The following CAND1 variants were observed in gnomAD, a reference collection of about 807,000 sequenced individuals.
CAND1 encodes cullin-associated NEDD8-dissociated protein 1.
A neutral mutation model predicts 108.5 loss-of-function variants in CAND1; 7 were observed. The ratio of observed to expected loss-of-function variants is 0.06; its 90% CI spans 0.04 to 0.12. The LOEUF is 0.12. Among genes scored for constraint, CAND1 ranks in the 10% least tolerant of loss-of-function variants. CAND1 has a pLI of 1.00. For synonymous variants in CAND1, 534 were observed against 512.0 expected, an observed-to-expected ratio of 1.04 and a Z score of -0.58; for missense variants, 941 against 1,448.7, an observed-to-expected ratio of 0.65 and a Z score of 5.69.
chr12:67,271,440 T>G (rs2044519909), intron 1 of CAND1, among the ~76,000 whole-genome samples: 1 of 152,196 alleles, frequency 6.6e-6, no homozygotes, highest in Non-Finnish European at 1.5e-5. Context: ...AGGTAGCACT[T>G]TATAATAATA....
At chr12:67,298,693 C>G (rs1361540934) in intron 6 of CAND1, among the ~76,000 whole-genome samples, 1 of 152,152 alleles carries the variant, frequency 6.6e-6, no homozygotes, top group Non-Finnish European at 1.5e-5. Context: ...TCTGTCTATA[C>G]TGCCATACAT....
chr12:67,298,891 G>GGT (rs2044795362), intron 6 of CAND1, 59 bp from the exon 7 acceptor site: 1 of 982,764 alleles, frequency 1.0e-6, no homozygotes, highest in Non-Finnish European at 1.6e-6. Flanking sequence ...AAATGTGGCA[G>GGT]GTAATGAATC....
chr12:67,285,419 G>A (rs1205952077), intron 2 of CAND1, among the ~76,000 whole-genome samples: 2 of 152,110 alleles, frequency 1.3e-5, no homozygotes, highest in Non-Finnish European at 2.9e-5. Context: ...TAGACAAATT[G>A]ACTAAAGTAT....
At chr12:67,269,900 A>C in intron 1 of CAND1, 115 bp downstream of exon 1, 1 of 817,894 alleles carries the variant, frequency 1.2e-6, no homozygotes, top group African/African-American at 1.8e-5. Flanking sequence ...CTCTGCCCCG[A>C]AGTCTCCAGC....
In CAND1 at chr12:67,305,048, TTTTTC is replaced by T. The variant is rs1359916689; in HGVS notation, c.1436-52_1436-48del. 2 of 1,469,642 alleles carry T rather than the reference TTTTTC, an allele frequency of 1.4e-6. No homozygotes were observed. Among genetic ancestry groups the T allele is most frequent in the African/African-American group, 2.8e-5 (2 of 70,924 alleles). The allele number at this position is 1,469,642 out of a possible 1,614,324, so 91.0% of individuals were successfully genotyped here. A position where few individuals can be genotyped will look rare whatever the true frequency, so the allele number is the denominator to read the frequency against. On this transcript the variant is annotated intron_variant, in intron 9 of 14. Transcript: ENST00000545606. The surrounding 1 kb of genome is among the most constrained non-coding windows in gnomAD (Gnocchi z 4.4). ...CAGTACTATAGGGGTTGATTTTTAA[TTTTTC>T]TTTCTTAAAAGTCTGCACAGCAATG...
rs1346726226 is a variant in CAND1, at chr12:67,316,676, G to A, written c.*3846G>A. 1 of 152,152 alleles carries A rather than the reference G, an allele frequency of 6.6e-6. No homozygotes were observed. The highest frequency in any genetic ancestry group is 1.5e-5 in the Non-Finnish European group (1 of 68,034). 9.4% of individuals were successfully genotyped at this position (152,152 alleles called of 1,614,324 possible). On this transcript the variant is annotated 3_prime_UTR_variant, in exon 15 of 15. Coordinates refer to ENST00000545606, the MANE Select transcript of CAND1 (RefSeq NM_018448.5). ...CCTGTCCTCTTCATAACTTTCTAGT[G>A]GTGATTTTAGCAAGTTTAATTATTT...
At position 67,312,871 on chromosome 12, in the gene CAND1, A is replaced by G. The variant is rs769072235; in HGVS notation, c.*41A>G. The G allele has an allele frequency of 6.6e-6, 8 of 1,214,358 alleles. No homozygotes were observed. The highest frequency in any genetic ancestry group is 2.8e-5 in the South Asian group (2 of 70,576). 75.2% of individuals were successfully genotyped at this position (1,214,358 alleles called of 1,614,324 possible). ...GGGGACCATTACATATGACCATACA[A>G]TGCACTGAATTGACAGGTTAATCAT... On this transcript the variant is annotated 3_prime_UTR_variant, in exon 15 of 15. Coordinates refer to ENST00000545606, the MANE Select transcript of CAND1 (RefSeq NM_018448.5).
Position 67,269,385 on chromosome 12 carries a change from C to T in CAND1, c.-333C>T, listed in dbSNP as rs1323098294. The T allele has an allele frequency of 6.1e-6, 2 of 327,154 alleles. No individual in the cohort carries two copies. The highest frequency in any genetic ancestry group is 2.2e-5 in the African/African-American group (1 of 44,838). The allele number at this position is 327,154 out of a possible 1,614,324, so 20.3% of individuals were successfully genotyped here. ...TTTGCCCTAGGGAGCGAGTGCGGAG[C>T]GAGTGGGAGCGAGACGGCCCTGAGT... On this transcript the variant is annotated 5_prime_UTR_variant, in exon 1 of 15. Coordinates refer to ENST00000545606, the MANE Select transcript of CAND1 (RefSeq NM_018448.5).
rs2044785036 is a variant in CAND1, at chr12:67,297,846, G to T, written c.847G>T (p.Val283Leu). The change falls in exon 6 of 15, where the codon GTA becomes TTA. Residue 283 changes from valine (V) to leucine (L), a missense_variant. Coordinates refer to ENST00000545606, the MANE Select transcript of CAND1 (RefSeq NM_018448.5). ...CTGTATTCAAGCCTTTGAATCATTT[G>T]TAAGAAGGTAAGTTTTTAAGATCTC... Reference protein sequence around the residue: ...EYCIQAFESFVRRCPKEVYPH... With the variant: ...EYCIQAFESFLRRCPKEVYPH... 1 of 1,559,660 alleles carries T rather than the reference G, an allele frequency of 6.4e-7. No homozygotes were observed. Among genetic ancestry groups the T allele is most frequent in the Non-Finnish European group, 8.7e-7 (1 of 1,143,792 alleles).
At chr12:67,275,762 A>G (rs2044563515) in intron 1 of CAND1, among the ~76,000 whole-genome samples, 1 of 152,122 alleles carries the variant, frequency 6.6e-6, no homozygotes, top group South Asian at 2.1e-4. Context: ...CTATCGATCT[A>G]GTGCATACCT....
chr12:67,298,709 A>G (rs901473484), intron 6 of CAND1, among the ~76,000 whole-genome samples: 1 of 152,168 alleles, frequency 6.6e-6, no homozygotes, highest in African/African-American at 2.4e-5. Flanking sequence ...TACATTAACC[A>G]TAACATAGTT....
chr12:67,287,046 A>G (rs1218797559), intron 2 of CAND1, among the ~76,000 whole-genome samples: 1 of 152,210 alleles, frequency 6.6e-6, no homozygotes, highest in African/African-American at 2.4e-5. Context: ...AGTTGCATTC[A>G]TTGTAACTCA....
Position 67,305,070 on chromosome 12 carries a change from A to C in CAND1, c.1436-34A>C. The C allele has an allele frequency of 6.4e-7, 1 of 1,570,122 alleles. No homozygotes were observed. The highest frequency in any genetic ancestry group is 8.7e-7 in the Non-Finnish European group (1 of 1,155,016). ...TAATTTTTCTTTCTTAAAAGTCTGC[A>C]CAGCAATGATTGGATTTTTTGTTGG... On this transcript the variant is annotated intron_variant, in intron 9 of 14. Transcript: ENST00000545606. This position sits in a 1 kb window ranked among gnomAD's most constrained non-coding sequence, Gnocchi z 4.4.
chr12:67,272,073 A>G (rs1306039611), intron 1 of CAND1, among the ~76,000 whole-genome samples: 3 of 152,246 alleles, frequency 2.0e-5, no homozygotes, highest in Non-Finnish European at 2.9e-5. Context: ...TGGCTTAAAT[A>G]CCAAGATTTG....
intron 2 of CAND1, among the ~76,000 whole-genome samples, chr12:67,290,949 G>A (rs1338856938): frequency 6.6e-6 from 1 of 152,174 alleles, no homozygotes; most frequent in Admixed American, 6.5e-5. Context: ...AGGCATCTAG[G>A]TTGCATGCTC....
intron 2 of CAND1, among the ~76,000 whole-genome samples, chr12:67,284,172 T>C (rs1475686969): frequency 6.6e-6 from 1 of 152,082 alleles, no homozygotes; most frequent in Non-Finnish European, 1.5e-5. Flanking sequence ...ATAATTCCAG[T>C]ACAGAGAGTT....
At chr12:67,280,632 T>C (rs2044610903) in intron 1 of CAND1, among the ~76,000 whole-genome samples, 1 of 152,092 alleles carries the variant, frequency 6.6e-6, no homozygotes, top group Non-Finnish European at 1.5e-5. Flanking sequence ...TTTAAGGAGG[T>C]CTTAGGGCTT....
chr12:67,269,612 G>T lies in CAND1; in HGVS notation c.-106G>T. On this transcript the variant is annotated 5_prime_UTR_variant, in exon 1 of 15. Coordinates refer to ENST00000545606, the MANE Select transcript of CAND1 (RefSeq NM_018448.5). ...CGTCGCGCTGCGACCCTGGAAGCGG[G>T]AGCCGCCGCGAGCGAGAGGAGGAGC... 1 of 966,542 alleles carries T rather than the reference G, an allele frequency of 1.0e-6. No homozygotes were observed. The highest frequency in any genetic ancestry group is 1.7e-5 in the African/African-American group (1 of 57,794). The allele number at this position is 966,542 out of a possible 1,614,324, so 59.9% of individuals were successfully genotyped here. A position where few individuals can be genotyped will look rare whatever the true frequency, so the allele number is the denominator to read the frequency against.
chr12:67,283,864 T>C (rs1458290958), intron 2 of CAND1, among the ~76,000 whole-genome samples: 1 of 152,170 alleles, frequency 6.6e-6, no homozygotes, highest in East Asian at 1.9e-4. Flanking sequence ...TGATATTTTA[T>C]ATTTATAGTT....
Sources: gnomAD v4.1 joint callset for allele counts (sites outside exome capture counted in the v4.1 genomes callset) on GRCh38, gnomAD v4.1.1 for gene constraint, Gnocchi (gnomAD v3.1) non-coding constraint, MANE v1.5 for transcripts, NCBI Gene and HGNC (gene_info 2026-07-23, HGNC 2026-07-21) for gene names.